ATF7IP: variants seen among roughly 807,000 people sequenced by gnomAD.
ATF7IP encodes the protein activating transcription factor 7-interacting protein 1.
Under a neutral mutation model 106.4 loss-of-function variants are expected in ATF7IP, and 23 were observed. The observed-to-expected ratio is 0.22, with a 90% CI of 0.16 to 0.31. The LOEUF is 0.31. Ranked by LOEUF, ATF7IP falls within the 10% of genes least tolerant of loss-of-function variation. ATF7IP has a pLI of 1.00. For missense variants in ATF7IP, 1,334 were observed against 1,524.3 expected (o/e 0.88, Z 2.08); for synonymous variants, 542 against 539.0 (o/e 1.01, Z -0.08).
intron 1 of ATF7IP, among the ~76,000 whole-genome samples, chr12:14,380,546 A>T (rs904746520): frequency 6.6e-6 from 1 of 152,174 alleles, no homozygotes; most frequent in Non-Finnish European, 1.5e-5. Flanking sequence ...ACTCTGGGAG[A>T]TTCATGAAGG....
intron 1 of ATF7IP, among the ~76,000 whole-genome samples, chr12:14,421,094 A>C (rs777449114): frequency 2.0e-4 from 30 of 152,228 alleles, no homozygotes; most frequent in Non-Finnish European, 3.1e-4. Flanking sequence ...AAATGGTTAC[A>C]GGAAACATCC....
At chr12:14,442,038 A>G (rs1337371242) in intron 5 of ATF7IP, among the ~76,000 whole-genome samples, 1 of 152,178 alleles carries the variant, frequency 6.6e-6, no homozygotes, top group Non-Finnish European at 1.5e-5. Context: ...ACTAATAAGG[A>G]AAAACTTCTG....
Position 14,365,695 on chromosome 12 carries a change from C to CGGCGGCGGT in ATF7IP, c.-136_-128dup, listed in dbSNP as rs1938250100. ...GGGTTTGTTTTTGAATCTGCGGAGGCGGCGGCGGTGGCAGCGGCGGCGCGG... is the reference window on the plus strand; with the variant it reads ...GGGTTTGTTTTTGAATCTGCGGAGGCGGCGGCGGTGGCGGCGGTGGCAGCGGCGGCGCGG... On this transcript the variant is annotated 5_prime_UTR_variant, in exon 1 of 15. Transcript: ENST00000261168. 1 of 157,118 alleles carries CGGCGGCGGT rather than the reference C, an allele frequency of 6.4e-6. No homozygotes were observed. The highest frequency in any genetic ancestry group is 1.9e-4 in the East Asian group (1 of 5,344). 9.7% of individuals were successfully genotyped at this position (157,118 alleles called of 1,614,324 possible).
intron 1 of ATF7IP, among the ~76,000 whole-genome samples, chr12:14,417,414 A>T (rs1240904239): frequency 6.6e-6 from 1 of 152,074 alleles, no homozygotes; most frequent in African/African-American, 2.4e-5. Flanking sequence ...AATACTATTA[A>T]TTTTTGGAAT....
At chr12:14,438,834 A>G (rs1010762822) in intron 5 of ATF7IP, among the ~76,000 whole-genome samples, 2 of 152,212 alleles carry the variant, frequency 1.3e-5, no homozygotes, top group African/African-American at 4.8e-5. Context: ...TTTAGGGGAC[A>G]CAGTTCAAAC....
At chr12:14,428,966 A>G (rs1458647375) in intron 2 of ATF7IP, among the ~76,000 whole-genome samples, 2 of 152,218 alleles carry the variant, frequency 1.3e-5, no homozygotes, top group Non-Finnish European at 2.9e-5. Flanking sequence ...TTTAAAGAGG[A>G]TAGCAAAATA....
chr12:14,408,343 C>A (rs1940720131), intron 1 of ATF7IP: 1 of 152,024 alleles, frequency 6.6e-6, no homozygotes, highest in Non-Finnish European at 1.5e-5. Flanking sequence ...TTCTAAGATT[C>A]CTGCTAGCAT....
intron 2 of ATF7IP, among the ~76,000 whole-genome samples, chr12:14,433,499 A>G (rs967019781): frequency 2.6e-5 from 4 of 151,862 alleles, no homozygotes; most frequent in South Asian, 2.1e-4. Flanking sequence ...GTGAGACTCT[A>G]TCTCAAAAAC....
At chr12:14,365,998 C>G (rs1270622260) in intron 1 of ATF7IP, among the ~76,000 whole-genome samples, 171 bp downstream of exon 1, 3 of 152,204 alleles carry the variant, frequency 2.0e-5, no homozygotes, top group Admixed American at 1.3e-4. Flanking sequence ...GGGTCGGGCT[C>G]TAGCTGCAGT....
chr12:14,367,364 T>G (rs1272464684), intron 1 of ATF7IP: 1 of 152,122 alleles, frequency 6.6e-6, no homozygotes, highest in African/African-American at 2.4e-5. Flanking sequence ...TAGGAAAGAT[T>G]CTTCTTTTTT....
intron 1 of ATF7IP, among the ~76,000 whole-genome samples, chr12:14,382,532 T>C (rs1939041404): frequency 6.6e-6 from 1 of 152,224 alleles, no homozygotes; most frequent in Non-Finnish European, 1.5e-5. Context: ...AAAAGTTATT[T>C]TTTCCATCTT....
At chr12:14,414,292 G>A (rs539761947) in intron 1 of ATF7IP, among the ~76,000 whole-genome samples, 3 of 152,230 alleles carry the variant, frequency 2.0e-5, no homozygotes, top group African/African-American at 4.8e-5. Context: ...CATGCCCTTA[G>A]TGACTTAATT....
At chr12:14,470,161 A>C (rs1410957725) in intron 10 of ATF7IP, among the ~76,000 whole-genome samples, 5 of 152,236 alleles carry the variant, frequency 3.3e-5, no homozygotes, top group Non-Finnish European at 7.3e-5. Context: ...AGAGATGTGC[A>C]AGGAATGAAC....
chr12:14,456,542 A>ATTTT lies in ATF7IP; in HGVS notation c.1996-13_1996-10dup. 6.3e-7 allele frequency: 1 copy of ATTTT among 1,575,466 alleles called. No individual in the cohort carries two copies. Among genetic ancestry groups the ATTTT allele is most frequent in the Non-Finnish European group, 8.7e-7 (1 of 1,150,706 alleles). ...TGTGTTGAGTTTTATTTTTACCTTG[A>ATTTT]TTTTTTTTTCTCCCCCAGCATCCAC... On this transcript the variant is annotated intron_variant, in intron 6 of 14. Coordinates refer to ENST00000261168, the MANE Select transcript of ATF7IP (RefSeq NM_018179.5).
chr12:14,486,604 GCAGTAGGCTTCCTATCAGTTT>G (rs1944624561), intron 13 of ATF7IP, among the ~76,000 whole-genome samples: 1 of 152,138 alleles, frequency 6.6e-6, no homozygotes, highest in Non-Finnish European at 1.5e-5. Flanking sequence ...AAGTAGGAAT[GCAGTAGGCTTCCTATCAGTTT>G]CATCTCTAGG....
At chr12:14,468,728 A>G (rs1943928137) in intron 10 of ATF7IP, among the ~76,000 whole-genome samples, 1 of 152,238 alleles carries the variant, frequency 6.6e-6, no homozygotes, top group Admixed American at 6.5e-5. Flanking sequence ...ATGTATATGA[A>G]TAATAAATAT....
At chr12:14,386,727 A>T (rs1405678639) in intron 1 of ATF7IP, among the ~76,000 whole-genome samples, 1 of 152,158 alleles carries the variant, frequency 6.6e-6, no homozygotes, top group East Asian at 1.9e-4. Context: ...GATAAACAAA[A>T]CTTGGAAACG....
At position 14,502,401 on chromosome 12, in the gene ATF7IP, CAT is replaced by C. The variant is rs762372646; in HGVS notation, c.*4329_*4330del. On this transcript the variant is annotated 3_prime_UTR_variant, in exon 15 of 15. Coordinates refer to ENST00000261168, the MANE Select transcript of ATF7IP (RefSeq NM_018179.5). ...GGGGAGGAATAGGATAATGCAAACA[CAT>C]GTTTTGTTTTCTCATTTTCAAATAA... The C allele has an allele frequency of 9.5e-5, 14 of 147,300 alleles. No individual in the cohort carries two copies. The highest frequency in any genetic ancestry group is 8.3e-4 in the East Asian group (4 of 4,834). 9.1% of individuals were successfully genotyped at this position (147,300 alleles called of 1,614,324 possible).
chr12:14,370,846 A>G (rs573142647), intron 1 of ATF7IP, among the ~76,000 whole-genome samples: 4 of 152,248 alleles, frequency 2.6e-5, no homozygotes, highest in Admixed American at 2.0e-4. Context: ...ATAAGTCGCA[A>G]AATAAAGTAT....
Sources: allele counts gnomAD v4.1 joint callset (sites outside exome capture counted in the v4.1 genomes callset), GRCh38; gene constraint gnomAD v4.1.1; transcripts MANE v1.5; gene names NCBI Gene and HGNC (gene_info 2026-07-23, HGNC 2026-07-21).